NDUFA11: variants seen among roughly 807,000 people sequenced by gnomAD.
NDUFA11 encodes the protein NADH dehydrogenase [ubiquinone] 1 alpha subcomplex subunit 11.
In NDUFA11, 14 loss-of-function variants were observed where a neutral mutation model predicts 11.3. The observed-to-expected ratio is 1.24, with a 90% CI of 0.82 to 1.94. NDUFA11 has a LOEUF of 1.94. NDUFA11 is among the 30% of genes most tolerant of loss of function. The probability of loss-of-function intolerance (pLI) is 0.00; values close to 1 mark genes in which losing one functional copy is unlikely to be tolerated. For synonymous variants in NDUFA11, 87 were observed against 85.6 expected, an observed-to-expected ratio of 1.02 and a Z score of -0.09; for missense variants, 204 against 200.3, an observed-to-expected ratio of 1.02 and a Z score of -0.11.
In NDUFA11 at chr19:5,894,705, G is replaced by C; in HGVS notation, c.*37C>G. 1 of 1,605,516 alleles carries C rather than the reference G, an allele frequency of 6.2e-7. No individual in the cohort carries two copies. The highest frequency in any genetic ancestry group is 8.5e-7 in the Non-Finnish European group (1 of 1,176,134). The stretch of plus-strand genomic sequence containing the variant: ...ACAGACACAGAATTTATTTCTGGAC[G>C]CATTCTGCAGGCTGGAGGTCCCGGC... On this transcript the variant is annotated 3_prime_UTR_variant, in exon 4 of 4. Coordinates refer to ENST00000308961, the MANE Select transcript of NDUFA11 (RefSeq NM_175614.5).
intron 1 of NDUFA11, among the ~76,000 whole-genome samples, chr19:5,897,611 T>C (rs944602067): frequency 6.6e-6 from 1 of 152,212 alleles, no homozygotes; most frequent in Non-Finnish European, 1.5e-5. Context: ...CACACCTGGC[T>C]GTCTGGCTGC....
chr19:5,898,011 C>T (rs1420379953), intron 1 of NDUFA11, among the ~76,000 whole-genome samples: 1 of 152,216 alleles, frequency 6.6e-6, no homozygotes, highest in Admixed American at 6.5e-5. Context: ...CAGGCAGGGA[C>T]CTCCTCGGGC....
chr19:5,901,272 T>G lies in NDUFA11; in HGVS notation c.97+2340A>C. ...CACCAACATACGCGTCTTTCTCAGT[T>G]TCAGATCCTATCCCCTGGGTGGCCC... On this transcript the variant is annotated intron_variant, in intron 1 of 3. Transcript: ENST00000308961. The G allele has an allele frequency of 3.2e-6, 4 of 1,244,778 alleles. No individual in the cohort carries two copies. The South Asian group carries it at 5.2e-5, about 16-fold the overall frequency. 77.1% of individuals were successfully genotyped at this position (1,244,778 alleles called of 1,614,324 possible). A position where few individuals can be genotyped will look rare whatever the true frequency, so the allele number is the denominator to read the frequency against.
downstream of NDUFA11, chr19:5,892,827 G>A: frequency 7.3e-7 from 1 of 1,364,660 alleles, no homozygotes; most frequent in East Asian, 2.6e-5. Context: ...TCTTTGTGGG[G>A]CATCTCTGAG....
Position 5,896,953 on chromosome 19 carries a change from T to G in NDUFA11, c.142A>C (p.Thr48Pro). 1 of 1,614,032 alleles carries G rather than the reference T, an allele frequency of 6.2e-7. No homozygotes were observed. Reference sequence around the variant, plus strand: ...ACCTTAGCCACTCCTTCAAGGAAGGTGCCCGGAGGATTGAGTGTGACTCTG... The same window carrying G: ...ACCTTAGCCACTCCTTCAAGGAAGGGGCCCGGAGGATTGAGTGTGACTCTG... ...AYRVTLNPPG[T>P]FLEGVAKVGQ... The change falls in exon 2 of 4, where the codon ACC becomes CCC. Residue 48 changes from threonine to proline, a missense_variant. Thr to Pro is a conservative substitution (Grantham distance 38). Coordinates refer to ENST00000308961, the MANE Select transcript of NDUFA11 (RefSeq NM_175614.5). This position sits in a 1 kb window ranked among gnomAD's most constrained non-coding sequence, Gnocchi z 5.8.
At chr19:5,903,560 C>T (rs1033286047) in intron 1 of NDUFA11, 52 bp downstream of exon 1, 3 of 1,509,552 alleles carry the variant, frequency 2.0e-6, no homozygotes, top group Non-Finnish European at 1.8e-6. Flanking sequence ...AGTAACCCCA[C>T]GACCTCCCTG....
At chr19:5,894,624 C>A, downstream of NDUFA11, 4 of 1,538,018 alleles carry the variant, frequency 2.6e-6, no homozygotes, top group Non-Finnish European at 3.5e-6. Flanking sequence ...CTCCCAGATC[C>A]GCCCTCACCG....
Position 5,897,348 on chromosome 19 carries a change from G to C in NDUFA11, c.98-351C>G, listed in dbSNP as rs73548339. Reference sequence around the variant, plus strand: ...AGACTCATCCACGTGGTGGACACAAGAACAGGCCTGAGACCTCAGTTCTGC... The same window carrying C: ...AGACTCATCCACGTGGTGGACACAACAACAGGCCTGAGACCTCAGTTCTGC... On this transcript the variant is annotated intron_variant, in intron 1 of 3. Coordinates refer to ENST00000308961, the MANE Select transcript of NDUFA11 (RefSeq NM_175614.5). Among the ~76,000 whole-genome samples, 786 of 152,286 alleles carry C rather than the reference G, an allele frequency of 5.2e-3. 7 individuals are homozygous for C. Among genetic ancestry groups the C allele is most frequent in the African/African-American group, 0.018 (755 of 41,554 alleles).
In NDUFA11 at chr19:5,903,764, C is replaced by G. The variant is rs757027101; in HGVS notation, c.-56G>C. ...CCCGCCAGCTCGGGAAGCGCAAGGG[C>G]AGCCGCGGCTGGCTATCGCGAGACT... On this transcript the variant is annotated 5_prime_UTR_variant, in exon 1 of 4. Transcript: ENST00000308961. 2.6e-6 allele frequency: 4 copies of G among 1,525,858 alleles called. No homozygotes were observed. The highest frequency in any genetic ancestry group is 3.6e-6 in the Non-Finnish European group (4 of 1,124,272). The allele number at this position is 1,525,858 out of a possible 1,614,324, so 94.5% of individuals were successfully genotyped here.
intron 1 of NDUFA11, among the ~76,000 whole-genome samples, chr19:5,900,722 G>C (rs1030296473): frequency 6.6e-6 from 1 of 151,964 alleles, no homozygotes; most frequent in Admixed American, 6.6e-5. Flanking sequence ...GGTTGAGACC[G>C]GCCTGGCCAA....
At chr19:5,894,593 C>T (rs2057595625), downstream of NDUFA11, 1 of 1,503,430 alleles carries the variant, frequency 6.7e-7, no homozygotes, top group African/African-American at 1.4e-5. Context: ...GGGGCCTTAT[C>T]TTATCTCCCT....
intron 1 of NDUFA11, chr19:5,901,322 C>A (rs747755530): frequency 7.8e-7 from 1 of 1,281,460 alleles, no homozygotes; most frequent in South Asian, 1.2e-5. Flanking sequence ...TCTTGAAGAC[C>A]CTCGATAAGG....
chr19:5,892,779 G>T, downstream of NDUFA11: 2 of 1,161,324 alleles, frequency 1.7e-6, no homozygotes, highest in Non-Finnish European at 2.3e-6. Flanking sequence ...CGATGCCCGT[G>T]AGTGGATGGG....
downstream of NDUFA11, chr19:5,892,742 A>G: frequency 1.2e-6 from 1 of 851,722 alleles, no homozygotes; most frequent in Non-Finnish European, 1.7e-6. Flanking sequence ...CGCAGTAGAG[A>G]CAGAGGCCGG....
chr19:5,892,158 C>G (rs1220281415), downstream of NDUFA11: 1 of 152,604 alleles, frequency 6.6e-6, no homozygotes, highest in Admixed American at 6.5e-5. Flanking sequence ...GCGGCTAGCC[C>G]GGAATGGGCT....
rs2144950006 is a variant in NDUFA11, at chr19:5,896,386, T to C, written c.313+67A>G. ...GGGATGGAACAGAGAGGGTGGAGGA[T>C]GAGCAGAGGTCAGGGGTCATTCTGC... On this transcript the variant is annotated intron_variant, in intron 3 of 3. Coordinates refer to ENST00000308961, the MANE Select transcript of NDUFA11 (RefSeq NM_175614.5). The surrounding 1 kb of genome is among the most constrained non-coding windows in gnomAD (Gnocchi z 5.8). The C allele has an allele frequency of 7.2e-7, 1 of 1,379,696 alleles. No individual in the cohort carries two copies. Among genetic ancestry groups the C allele is most frequent in the Admixed American group, 2.5e-5 (1 of 39,982 alleles). The allele number at this position is 1,379,696 out of a possible 1,614,324, so 85.5% of individuals were successfully genotyped here. A position where few individuals can be genotyped will look rare whatever the true frequency, so the allele number is the denominator to read the frequency against.
rs553704784 is a variant in NDUFA11 at position 5,903,602 on chromosome 19, C to A, written c.97+10G>T. ...CGGCCCTCCACCCTCGGGGCCCGGC[C>A]GGCGCTCACCAGCGACGCTGGCAAT... is the stretch of plus-strand genomic sequence containing the variant. On this transcript the variant is annotated intron_variant, in intron 1 of 3. Coordinates refer to ENST00000308961, the MANE Select transcript of NDUFA11 (RefSeq NM_175614.5). 2.6e-6 allele frequency: 4 copies of A among 1,549,594 alleles called. No homozygotes were observed. In the Admixed American group the frequency reaches 7.8e-5, roughly 30 times the overall value.
In NDUFA11 at chr19:5,894,800, G is replaced by T. The variant is rs777159570; in HGVS notation, c.368C>A (p.Ser123Tyr). ...AACVYFGIAA[S>Y]LVKMGRLEGW... ...CTCCAGCCGGCCCATCTTGACCAGG[G>T]AGGCCGCTATGCCAAAGTACACGCA... The change falls in exon 4 of 4, where the codon TCC becomes TAC. Residue 123 changes from serine (S) to tyrosine (Y), a missense_variant. Transcript: ENST00000308961. 1.9e-6 allele frequency: 3 copies of T among 1,613,666 alleles called. No homozygotes were observed. The Admixed American group carries it at 5.0e-5, about 27-fold the overall frequency.
At chr19:5,893,830 G>A (rs939865748), downstream of NDUFA11, among the ~76,000 whole-genome samples, 3 of 152,232 alleles carry the variant, frequency 2.0e-5, no homozygotes, top group African/African-American at 7.2e-5. The surrounding 1 kb of genome is among the most constrained non-coding windows in gnomAD (Gnocchi z 4.1). Flanking sequence ...TACGGGTCAG[G>A]AGGGCCATAG....
Sources: gnomAD v4.1 joint callset for allele counts (sites outside exome capture counted in the v4.1 genomes callset) on GRCh38, gnomAD v4.1.1 for gene constraint, Gnocchi (gnomAD v3.1) non-coding constraint, MANE v1.5 for transcripts, NCBI Gene and HGNC (gene_info 2026-07-23, HGNC 2026-07-21) for gene names.